Variants in SLC16A12 observed in about 807,000 individuals in gnomAD.
The protein encoded by SLC16A12 is monocarboxylate transporter 12.
A neutral mutation model predicts 42.4 loss-of-function variants in SLC16A12; 17 were observed. The observed-to-expected ratio is 0.40, with a 90% CI of 0.27 to 0.60. The LOEUF (loss-of-function observed/expected upper bound fraction) is 0.60, where lower values mean the gene tolerates loss of function less well. SLC16A12 is among the 20% of genes least tolerant of loss of function. The pLI, the probability that SLC16A12 is intolerant of heterozygous loss-of-function variation, is 0.42. For missense variants in SLC16A12, 544 were observed against 623.0 expected (o/e 0.87, Z 1.35); for synonymous variants, 224 against 229.4 (o/e 0.98, Z 0.21).
chr10:89,541,946 G>A (rs2133884747), intron 2 of SLC16A12, among the ~76,000 whole-genome samples: 1 of 152,284 alleles, frequency 6.6e-6, no homozygotes, highest in East Asian at 1.9e-4. Context: ...AATATTAAGA[G>A]CAATTCTTTG....
intron 2 of SLC16A12, among the ~76,000 whole-genome samples, chr10:89,480,830 G>A (rs1316237650): frequency 1.3e-5 from 2 of 152,218 alleles, no homozygotes; most frequent in Middle Eastern, 3.4e-3. Context: ...GAAAATAAGA[G>A]GGAGAACTAT....
chr10:89,523,333 T>C (rs1027125723), intron 2 of SLC16A12, among the ~76,000 whole-genome samples: 1 of 152,198 alleles, frequency 6.6e-6, no homozygotes, highest in Admixed American at 6.5e-5. Flanking sequence ...ATCTCCTTGC[T>C]TCTCTTCCCA....
At position 89,439,081 on chromosome 10, in the gene SLC16A12, C is replaced by T; in HGVS notation, c.551G>A (p.Gly184Asp). ...LAYGIAMSGS[G>D]IGTFILAPVV... is the part of the protein sequence containing the mutation. ...AGGAGCCAGGATGAAGGTGCCAATG[C>T]CACTTCCTGACATGGCGATACCATA... Residue 184 changes from glycine to aspartate, a missense_variant, in exon 6 of 8, where the codon GGC (glycine) becomes GAC (aspartate). Physicochemically the swap from Gly to Asp is moderately conservative, Grantham distance 94 (BLOSUM62 -1). Coordinates refer to ENST00000371790, the MANE Select transcript of SLC16A12 (RefSeq NM_213606.4). 6.2e-7 allele frequency: 1 copy of T among 1,613,170 alleles called. No individual in the cohort carries two copies. Among genetic ancestry groups the T allele is most frequent in the Non-Finnish European group, 8.5e-7 (1 of 1,179,558 alleles).
intron 3 of SLC16A12, among the ~76,000 whole-genome samples, chr10:89,457,291 A>G (rs990718911): frequency 6.6e-6 from 1 of 152,198 alleles, no homozygotes; most frequent in African/African-American, 2.4e-5. Flanking sequence ...GAAAAAAAAC[A>G]AACAACCCCA....
upstream of SLC16A12, among the ~76,000 whole-genome samples, chr10:89,539,925 T>C (rs547931160): frequency 6.7e-6 from 1 of 149,488 alleles, no homozygotes; most frequent in South Asian, 2.1e-4. Flanking sequence ...TCTTTTTTTC[T>C]TTCTTTCATT....
rs115444251 is a variant in SLC16A12, at chr10:89,551,168, G to A, written c.-47+4714C>T. Among the ~76,000 whole-genome samples the A allele has an allele frequency of 9.6e-3, 1,457 of 152,304 alleles. 23 individuals carry two copies. The highest frequency in any genetic ancestry group is 0.033 in the African/African-American group (1,384 of 41,558). On this transcript the variant is annotated intron_variant, in intron 2 of 2. Transcript: ENST00000475682. The stretch of plus-strand genomic sequence containing the variant: ...CAAAAATCCCCAAGTTCAGCCTGGC[G>A]TGGTGGCTCACGCTTGTAATCCTAA...
At chr10:89,438,511 A>G in intron 6 of SLC16A12, 93 bp downstream of exon 6, 3 of 1,119,862 alleles carry the variant, frequency 2.7e-6, no homozygotes, top group Non-Finnish European at 3.9e-6. Context: ...AACATTATTC[A>G]GACCTAGGTA....
intron 2 of SLC16A12, among the ~76,000 whole-genome samples, chr10:89,541,785 T>A (rs1843717208): frequency 2.0e-5 from 3 of 152,194 alleles, no homozygotes; most frequent in Admixed American, 2.0e-4. Flanking sequence ...AATGCCCTAG[T>A]TGTGACAATC....
rs1376982106 is a variant in SLC16A12, at chr10:89,532,547, A to G, written c.-47+1954T>C. 2.0e-5 allele frequency among the ~76,000 whole-genome samples: 3 copies of G among 152,196 alleles called. No individual in the cohort carries two copies. In the East Asian group the frequency reaches 5.8e-4, roughly 29 times the overall value. ...CATTTCAATGGGTGACTTTTTATAT[A>G]CACTGGAAAGGTACTCATAAGAAAA... On this transcript the variant is annotated intron_variant, in intron 2 of 7. Coordinates refer to ENST00000371790, the MANE Select transcript of SLC16A12 (RefSeq NM_213606.4).
At chr10:89,536,453 ATGT>A (rs1259716113), upstream of SLC16A12, among the ~76,000 whole-genome samples, 1 of 151,932 alleles carries the variant, frequency 6.6e-6, no homozygotes, top group African/African-American at 2.4e-5. Context: ...CGCCCACTTC[ATGT>A]TGTTGCTGCG....
intron 2 of SLC16A12, among the ~76,000 whole-genome samples, chr10:89,491,376 TAAAAACA>T (rs1013984566): frequency 8.6e-5 from 13 of 151,794 alleles, no homozygotes; most frequent in South Asian, 8.3e-4. Flanking sequence ...AAAATAAAAA[TAAAAACA>T]AAAAACAAAA....
At chr10:89,525,086 C>T (rs1462423281) in intron 2 of SLC16A12, among the ~76,000 whole-genome samples, 2 of 151,976 alleles carry the variant, frequency 1.3e-5, no homozygotes, top group African/African-American at 2.4e-5. Flanking sequence ...CTGGGCGTGG[C>T]GCCGTGCGCC....
intron 2 of SLC16A12, among the ~76,000 whole-genome samples, chr10:89,463,711 A>T (rs924952152): frequency 6.6e-6 from 1 of 152,232 alleles, no homozygotes; most frequent in Non-Finnish European, 1.5e-5. Flanking sequence ...TTGGGGAAAA[A>T]AACATTAGCA....
At chr10:89,506,223 G>A (rs1270062897) in intron 2 of SLC16A12, among the ~76,000 whole-genome samples, 2 of 152,218 alleles carry the variant, frequency 1.3e-5, no homozygotes, top group African/African-American at 4.8e-5. Context: ...TTCGAGCTCT[G>A]ATAACAGACA....
chr10:89,467,302 C>T (rs1042671293), intron 2 of SLC16A12, among the ~76,000 whole-genome samples: 2 of 152,202 alleles, frequency 1.3e-5, no homozygotes, highest in African/African-American at 2.4e-5. Context: ...TAAAAAGCAA[C>T]ATAATGTGAT....
intron 2 of SLC16A12, among the ~76,000 whole-genome samples, chr10:89,486,125 A>G (rs1842737850): frequency 6.6e-6 from 1 of 152,162 alleles, no homozygotes; most frequent in Non-Finnish European, 1.5e-5. Context: ...TTTTTCATCA[A>G]TAAGCTCCTC....
At chr10:89,539,615 T>C (rs117589069), upstream of SLC16A12, among the ~76,000 whole-genome samples, 1 of 152,306 alleles carries the variant, frequency 6.6e-6, no homozygotes, top group East Asian at 1.9e-4. Flanking sequence ...TACAGATAAG[T>C]AATATTTGGG....
chr10:89,549,168 A>G (rs1843757103), intron 2 of SLC16A12, among the ~76,000 whole-genome samples: 1 of 152,236 alleles, frequency 6.6e-6, no homozygotes. Context: ...TGAATTAATT[A>G]GCAAGTTTCT....
At chr10:89,487,681 G>T (rs1427966400) in intron 2 of SLC16A12, among the ~76,000 whole-genome samples, 1 of 150,538 alleles carries the variant, frequency 6.6e-6, no homozygotes, top group Non-Finnish European at 1.5e-5. Flanking sequence ...GCGTGGTGGT[G>T]CGCGCCTGTA....
Sources: allele counts gnomAD v4.1 joint callset (sites outside exome capture counted in the v4.1 genomes callset), GRCh38; gene constraint gnomAD v4.1.1; transcripts MANE v1.5; gene names NCBI Gene and HGNC (gene_info 2026-07-23, HGNC 2026-07-21).